RIMS1: variants seen among roughly 807,000 people sequenced by gnomAD.
The protein encoded by RIMS1 is regulating synaptic membrane exocytosis protein 1.
Under a neutral mutation model 214.1 loss-of-function variants are expected in RIMS1, and 83 were observed. The ratio of observed to expected loss-of-function variants is 0.39; its 90% CI spans 0.32 to 0.47. The LOEUF is 0.47. Among genes scored for constraint, RIMS1 ranks in the 20% least tolerant of loss-of-function variants. The probability of loss-of-function intolerance (pLI) is 0.99; values close to 1 mark genes in which losing one functional copy is unlikely to be tolerated. For missense variants in RIMS1, 2,050 were observed against 2,161.8 expected (o/e 0.95, Z 1.03); for synonymous variants, 793 against 786.8 (o/e 1.01, Z -0.13).
intron 28 of RIMS1, among the ~76,000 whole-genome samples, chr6:72,328,133 G>C (rs1366020300): frequency 6.6e-6 from 1 of 151,822 alleles, no homozygotes; most frequent in Non-Finnish European, 1.5e-5. Context: ...GCCATAAAAG[G>C]GTGAATTCAT....
At chr6:72,310,627 C>G (rs1003876212) in intron 27 of RIMS1, among the ~76,000 whole-genome samples, 1 of 151,926 alleles carries the variant, frequency 6.6e-6, no homozygotes, top group Non-Finnish European at 1.5e-5. Flanking sequence ...AATTATTTCT[C>G]TCACATCAAT....
At chr6:71,956,505 G>A (rs1158911041) in intron 1 of RIMS1, among the ~76,000 whole-genome samples, 1 of 151,946 alleles carries the variant, frequency 6.6e-6, no homozygotes, top group Non-Finnish European at 1.5e-5. Context: ...AATATAAGAG[G>A]AATATCACTT....
chr6:72,221,735 T>TG (rs2058510860), intron 6 of RIMS1, among the ~76,000 whole-genome samples: 1 of 152,006 alleles, frequency 6.6e-6, no homozygotes, highest in African/African-American at 2.4e-5. Flanking sequence ...ACATAATGCC[T>TG]TGTTTTATAA....
chr6:72,099,945 T>C, intron 3 of RIMS1, 30 bp from the exon 4 acceptor site: 1 of 1,593,048 alleles, frequency 6.3e-7, no homozygotes. Flanking sequence ...CTTCTTTCTC[T>C]ACTCTGCTTC....
At chr6:72,260,203 T>C (rs914932165) in intron 18 of RIMS1, among the ~76,000 whole-genome samples, 20 of 152,134 alleles carry the variant, frequency 1.3e-4, no homozygotes, top group African/African-American at 4.3e-4. Flanking sequence ...AAAGTATTAA[T>C]TGTAAAATAA....
intron 30 of RIMS1, 81 bp downstream of exon 30, chr6:72,390,817 T>C (rs533498585): frequency 1.3e-6 from 2 of 1,488,684 alleles, no homozygotes; most frequent in African/African-American, 1.4e-5. Context: ...CCACTGAGTG[T>C]TACTGTGCAG....
chr6:72,400,806 C>CAGG lies in RIMS1; in HGVS notation c.*94_*95insGAG. 1 of 1,042,394 alleles carries CAGG rather than the reference C, an allele frequency of 9.6e-7. No individual in the cohort carries two copies. The highest frequency in any genetic ancestry group is 1.6e-5 in the South Asian group (1 of 61,134). The allele number at this position is 1,042,394 out of a possible 1,614,324, so 64.6% of individuals were successfully genotyped here. Reference sequence around the variant, plus strand: ...TCATGATCGAAAGCATTGTTGGAGACAGACAATCAACTTGTGTTTTGCCTG... The same window carrying CAGG: ...TCATGATCGAAAGCATTGTTGGAGACAGGAGACAATCAACTTGTGTTTTGCCTG... On this transcript the variant is annotated 3_prime_UTR_variant, in exon 34 of 34. Transcript: ENST00000521978.
intron 28 of RIMS1, among the ~76,000 whole-genome samples, chr6:72,319,812 G>A (rs551000457): frequency 7.9e-5 from 12 of 151,876 alleles, no homozygotes; most frequent in African/African-American, 2.7e-4. Flanking sequence ...TCATACAAGT[G>A]TAATAATAAT....
chr6:72,399,307 T>C (rs1051262972), intron 33 of RIMS1, among the ~76,000 whole-genome samples: 1 of 151,692 alleles, frequency 6.6e-6, no homozygotes, highest in African/African-American at 2.4e-5. Flanking sequence ...TTTTATTTTA[T>C]CTCTCTCTCT....
At chr6:71,913,304 T>G (rs1036659493) in intron 1 of RIMS1, among the ~76,000 whole-genome samples, 14 of 152,158 alleles carry the variant, frequency 9.2e-5, no homozygotes, top group Non-Finnish European at 1.9e-4. Context: ...GACAAATAGA[T>G]GAATTGACAT....
chr6:72,360,778 C>T (rs752670401), intron 29 of RIMS1, among the ~76,000 whole-genome samples: 15 of 149,650 alleles, frequency 1.0e-4, no homozygotes, highest in African/African-American at 2.9e-4. Flanking sequence ...AAAAAGACGG[C>T]GTTTTATTTT....
chr6:72,182,602 G>A lies in RIMS1; in HGVS notation c.1131G>A (p.Met377Ile), dbSNP rs558241050. 53 of 1,548,382 alleles carry A rather than the reference G, an allele frequency of 3.4e-5. No individual in the cohort carries two copies. In the African/African-American group the frequency reaches 6.0e-4, roughly 18 times the overall value. The stretch of plus-strand genomic sequence containing the variant: ...CGCCTGAGGAGCAGCAGATGCGCAT[G>A]CACGCCCGGGTGTCCCGCGCCAGGC... ...KPPPEEQQMR[M>I]HARVSRARHE... is the part of the protein sequence containing the mutation. Residue 377 changes from methionine (M) to isoleucine (I), a missense_variant, in exon 6 of 34, where the codon ATG becomes ATA. Met to Ile is a conservative substitution (Grantham distance 10). Coordinates refer to ENST00000521978, the MANE Select transcript of RIMS1 (RefSeq NM_014989.7).
intron 27 of RIMS1, among the ~76,000 whole-genome samples, chr6:72,310,918 A>C (rs926787536): frequency 1.3e-5 from 2 of 152,144 alleles, no homozygotes; most frequent in African/African-American, 4.8e-5. Flanking sequence ...TTATGACATA[A>C]TTTTTGAAAT....
intron 3 of RIMS1, among the ~76,000 whole-genome samples, chr6:72,097,617 A>G (rs1435364859): frequency 6.6e-6 from 1 of 152,222 alleles, no homozygotes; most frequent in Non-Finnish European, 1.5e-5. Context: ...CTATGAGAGT[A>G]AATTCAGATT....
intron 29 of RIMS1, among the ~76,000 whole-genome samples, chr6:72,383,177 G>A (rs1003946013): frequency 4.6e-5 from 7 of 151,922 alleles, no homozygotes; most frequent in African/African-American, 1.7e-4. Flanking sequence ...TCATATCATT[G>A]AATTTACATA....
chr6:72,216,832 A>G, intron 6 of RIMS1: 1 of 1,001,888 alleles, frequency 1.0e-6, no homozygotes, highest in Non-Finnish European at 1.2e-6. Flanking sequence ...GCATTGTTTT[A>G]GGAAATGGTT....
rs139749920 is a variant in RIMS1 at position 72,039,855 on chromosome 6, TA to T, written c.246-57086del. Among the ~76,000 whole-genome samples, 5 of 151,890 alleles carry T rather than the reference TA, an allele frequency of 3.3e-5. No individual in the cohort carries two copies. In the East Asian group the frequency reaches 5.8e-4, roughly 18 times the overall value. On this transcript the variant is annotated intron_variant, in intron 2 of 33. Transcript: ENST00000521978. ...AATGATTCAAAGCATTCACTGTACT[TA>T]AAAAAAATGGTATAATTAATATGGC...
intron 4 of RIMS1, among the ~76,000 whole-genome samples, chr6:72,101,840 C>T (rs1025689330): frequency 1.3e-5 from 2 of 151,880 alleles, no homozygotes; most frequent in African/African-American, 4.8e-5. Flanking sequence ...ACTTCATCCT[C>T]AGCCTAAATC....
At chr6:72,164,848 T>C (rs1395735993) in intron 4 of RIMS1, among the ~76,000 whole-genome samples, 1 of 152,146 alleles carries the variant, frequency 6.6e-6, no homozygotes, top group Admixed American at 6.5e-5. Flanking sequence ...AACAGTGTGG[T>C]CTCTTTCTTC....
Sources: gnomAD v4.1 joint callset for allele counts (sites outside exome capture counted in the v4.1 genomes callset) on GRCh38, gnomAD v4.1.1 for gene constraint, MANE v1.5 for transcripts, NCBI Gene and HGNC (gene_info 2026-07-23, HGNC 2026-07-21) for gene names.